The following ROR1 variants were observed in gnomAD, a reference collection of about 807,000 sequenced individuals.
ROR1 encodes the protein inactive tyrosine-protein kinase transmembrane receptor ROR1.
A neutral mutation model predicts 78.8 loss-of-function variants in ROR1; 19 were observed. The observed-to-expected ratio is 0.24, with a 90% CI of 0.17 to 0.35. The LOEUF (loss-of-function observed/expected upper bound fraction) is 0.35. Among genes scored for constraint, ROR1 ranks in the 10% least tolerant of loss-of-function variants. The probability of loss-of-function intolerance (pLI) is 1.00; values close to 1 mark genes in which losing one functional copy is unlikely to be tolerated. For missense variants in ROR1, 917 were observed against 1,177.8 expected (o/e 0.78, Z 3.24); for synonymous variants, 386 against 433.6 (o/e 0.89, Z 1.36).
chr1:64,103,483 T>C (rs945679929), intron 4 of ROR1, among the ~76,000 whole-genome samples: 1 of 152,140 alleles, frequency 6.6e-6, no homozygotes, highest in African/African-American at 2.4e-5. Flanking sequence ...TCAGAAATAG[T>C]TGCTTTGTTT....
chr1:64,130,237 AG>A (rs1363846832), intron 4 of ROR1, among the ~76,000 whole-genome samples: 1 of 152,186 alleles, frequency 6.6e-6, no homozygotes, highest in Non-Finnish European at 1.5e-5. Flanking sequence ...TATAGATTTA[AG>A]GCTTCTCTGT....
At chr1:63,781,187 A>T (rs1442248093) in intron 1 of ROR1, among the ~76,000 whole-genome samples, 1 of 152,212 alleles carries the variant, frequency 6.6e-6, no homozygotes. Context: ...ATCACATGAA[A>T]GATACAGTAT....
Position 64,178,256 on chromosome 1 carries a change from T to C in ROR1, c.2215T>C (p.Phe739Leu), listed in dbSNP as rs1313760185. Residue 739 changes from phenylalanine (F) to leucine (L), a missense_variant, in exon 9 of 9, where the codon TTT becomes CTT. Around this residue, in one of 3 missense-constraint regions of ROR1, gnomAD observed 835 missense variants for 1,069.8 expected, o/e 0.78. Coordinates refer to ENST00000371079, the MANE Select transcript of ROR1 (RefSeq NM_005012.4). The surrounding 1 kb of genome is among the most constrained non-coding windows in gnomAD (Gnocchi z 4.3). ...TGAGATTCCTTCTAGGAGACCAAGA[T>C]TTAAAGATATTCACGTCCGGCTTCG... Reference protein sequence around the residue: ...WNEIPSRRPRFKDIHVRLRSW... With the variant: ...WNEIPSRRPRLKDIHVRLRSW... 6.2e-7 allele frequency: 1 copy of C among 1,614,010 alleles called. No individual in the cohort carries two copies. The highest frequency in any genetic ancestry group is 8.5e-7 in the Non-Finnish European group (1 of 1,180,002).
chr1:64,125,253 A>C (rs547902746), intron 4 of ROR1, among the ~76,000 whole-genome samples: 1 of 152,344 alleles, frequency 6.6e-6, no homozygotes. Context: ...AACAATGACA[A>C]AGAAAAACAT....
chr1:64,072,778 G>T (rs747355519), intron 4 of ROR1, among the ~76,000 whole-genome samples: 1 of 152,080 alleles, frequency 6.6e-6, no homozygotes, highest in Non-Finnish European at 1.5e-5. Flanking sequence ...CTTCCAACTA[G>T]CTCCATGGCA....
chr1:64,026,201 T>C (rs1000661623), intron 2 of ROR1, among the ~76,000 whole-genome samples: 1 of 152,230 alleles, frequency 6.6e-6, no homozygotes. Flanking sequence ...GGCTGGGGGC[T>C]GTTCTCTGGA....
chr1:63,948,197 T>C (rs113879513), intron 1 of ROR1, among the ~76,000 whole-genome samples: 3,975 of 152,164 alleles, frequency 0.026, 174 homozygotes, highest in African/African-American at 0.091. Context: ...AAACAAACAA[T>C]GAAAAGAAAT....
chr1:63,796,412 A>G (rs996458895), intron 1 of ROR1, among the ~76,000 whole-genome samples: 4 of 152,240 alleles, frequency 2.6e-5, no homozygotes, highest in African/African-American at 9.6e-5. Context: ...CTCCAGAACT[A>G]CTGGATCAGA....
intron 4 of ROR1, among the ~76,000 whole-genome samples, chr1:64,130,469 C>T (rs930045693): frequency 2.0e-5 from 3 of 152,296 alleles, no homozygotes; most frequent in Middle Eastern, 3.4e-3. Context: ...CGACAGCTCC[C>T]CTTCCTGGAT....
At chr1:63,885,764 T>C (rs946048787) in intron 1 of ROR1, among the ~76,000 whole-genome samples, 1 of 152,148 alleles carries the variant, frequency 6.6e-6, no homozygotes, top group Non-Finnish European at 1.5e-5. Context: ...ACCGAGCAGA[T>C]TGATTCCTCC....
intron 1 of ROR1, among the ~76,000 whole-genome samples, chr1:63,875,041 G>A (rs1042742530): frequency 3.3e-5 from 5 of 152,248 alleles, no homozygotes; most frequent in Admixed American, 2.6e-4. Context: ...CCTTAGACAG[G>A]TAGATAATGG....
At chr1:63,869,720 GA>G (rs1645239175) in intron 1 of ROR1, among the ~76,000 whole-genome samples, 1 of 152,178 alleles carries the variant, frequency 6.6e-6, no homozygotes, top group Non-Finnish European at 1.5e-5. Flanking sequence ...AACACTCATG[GA>G]AGTCCTCATT....
chr1:64,028,393 G>A (rs1340365337), intron 2 of ROR1, among the ~76,000 whole-genome samples: 1 of 152,096 alleles, frequency 6.6e-6, no homozygotes, highest in Non-Finnish European at 1.5e-5. Flanking sequence ...ATTTGAGTTG[G>A]GTATTACAGG....
intron 4 of ROR1, among the ~76,000 whole-genome samples, chr1:64,135,670 G>T (rs1284994887): frequency 2.0e-5 from 3 of 152,134 alleles, no homozygotes; most frequent in Non-Finnish European, 4.4e-5. Flanking sequence ...AAGCCAAAAA[G>T]GCTTCAGCAT....
chr1:63,896,512 A>T (rs1023792035), intron 1 of ROR1, among the ~76,000 whole-genome samples: 6 of 152,212 alleles, frequency 3.9e-5, no homozygotes, highest in African/African-American at 1.2e-4. Context: ...CTCCTTCATT[A>T]TAAACTGACT....
At chr1:64,084,491 A>G (rs537541903) in intron 4 of ROR1, among the ~76,000 whole-genome samples, 5 of 152,344 alleles carry the variant, frequency 3.3e-5, no homozygotes, top group African/African-American at 1.2e-4. Flanking sequence ...ACCTTGTGCT[A>G]TCTTGGGTAT....
chr1:63,990,059 A>G (rs1469865383), intron 1 of ROR1, among the ~76,000 whole-genome samples: 4 of 152,166 alleles, frequency 2.6e-5, no homozygotes, highest in Non-Finnish European at 5.9e-5. Context: ...ACCAAGGACT[A>G]CCTGTTCCCG....
In ROR1 at chr1:64,099,475, T is replaced by A. The variant is rs77186968; in HGVS notation, c.483-37894T>A. ...GGATAACAAAAGTCATCGGAGCATC[T>A]GAACTCATCAGAGGCCGCCAGAGGA... is the stretch of plus-strand genomic sequence containing the variant. On this transcript the variant is annotated intron_variant, in intron 4 of 8. Transcript: ENST00000371079. 2.1e-3 allele frequency among the ~76,000 whole-genome samples: 317 copies of A among 152,274 alleles called. 2 individuals carry two copies. The highest frequency in any genetic ancestry group is 7.5e-3 in the African/African-American group (310 of 41,564).
chr1:63,814,180 C>T (rs1157152605), intron 1 of ROR1, among the ~76,000 whole-genome samples: 6 of 152,166 alleles, frequency 3.9e-5, no homozygotes, highest in Admixed American at 2.6e-4. Flanking sequence ...AAGAAGTTGG[C>T]CTGGAACTCT....
Sources: gnomAD v4.1 joint callset for allele counts (sites outside exome capture counted in the v4.1 genomes callset) on GRCh38, gnomAD v4.1.1 for gene constraint, gnomAD v4.1.1 regional missense constraint, Gnocchi (gnomAD v3.1) non-coding constraint, MANE v1.5 for transcripts, NCBI Gene and HGNC (gene_info 2026-07-23, HGNC 2026-07-21) for gene names.